Variants in CDH20 observed in about 807,000 individuals in gnomAD.
CDH20 encodes cadherin 20.
A neutral mutation model predicts 74.2 loss-of-function variants in CDH20; 29 were observed. That is an observed-to-expected ratio of 0.39 (90% CI 0.29 to 0.53). The LOEUF (loss-of-function observed/expected upper bound fraction) is 0.53. CDH20 is among the 20% of genes least tolerant of loss of function. The pLI is 0.69. For missense variants in CDH20, 988 were observed against 1,048.3 expected, an observed-to-expected ratio of 0.94 and a Z score of 0.79; for synonymous variants, 469 against 405.4, an observed-to-expected ratio of 1.16 and a Z score of -1.88.
intron 1 of CDH20, among the ~76,000 whole-genome samples, chr18:61,426,621 A>G (rs1473970290): frequency 6.6e-6 from 1 of 152,180 alleles, no homozygotes; most frequent in African/African-American, 2.4e-5. Flanking sequence ...ATATCTGCCC[A>G]TTGACTCCCA....
chr18:61,401,621 T>A (rs12963552), intron 1 of CDH20, among the ~76,000 whole-genome samples: 1 of 152,114 alleles, frequency 6.6e-6, no homozygotes, highest in Non-Finnish European at 1.5e-5. Flanking sequence ...ATAAGTAATG[T>A]TGATTTTCCA....
intron 1 of CDH20, among the ~76,000 whole-genome samples, chr18:61,394,062 G>C (rs1016770941): frequency 3.3e-5 from 5 of 152,136 alleles, no homozygotes; most frequent in African/African-American, 1.2e-4. Context: ...AGGCATCTGA[G>C]TTTGTCATAC....
At chr18:61,355,728 T>C (rs1369639756) in intron 1 of CDH20, among the ~76,000 whole-genome samples, 1 of 152,166 alleles carries the variant, frequency 6.6e-6, no homozygotes, top group East Asian at 1.9e-4. Flanking sequence ...AGTAGCACTG[T>C]CAAGCCCTCA....
intron 6 of CDH20, among the ~76,000 whole-genome samples, chr18:61,513,752 C>T (rs1217887691): frequency 1.3e-5 from 2 of 152,066 alleles, no homozygotes; most frequent in Non-Finnish European, 2.9e-5. Context: ...TTCTCCTTCA[C>T]TTATGAAGCT....
chr18:61,471,735 G>T (rs1274432151), intron 1 of CDH20, among the ~76,000 whole-genome samples: 1 of 152,100 alleles, frequency 6.6e-6, no homozygotes, highest in Admixed American at 6.6e-5. Context: ...CCGTTTGTCG[G>T]AGCATTTATA....
intron 1 of CDH20, among the ~76,000 whole-genome samples, chr18:61,445,560 A>T (rs2144326759): frequency 6.6e-6 from 1 of 152,344 alleles, no homozygotes; most frequent in African/African-American, 2.4e-5. Context: ...TGAAGCTCAG[A>T]AATGTTAAGT....
chr18:61,478,899 C>T (rs1025559672), intron 1 of CDH20, among the ~76,000 whole-genome samples: 8 of 151,964 alleles, frequency 5.3e-5, no homozygotes, highest in African/African-American at 1.9e-4. Flanking sequence ...AGTATTTCCA[C>T]TTCCTTGATC....
At chr18:61,525,135 C>T (rs1009118684) in intron 6 of CDH20, among the ~76,000 whole-genome samples, 3 of 151,904 alleles carry the variant, frequency 2.0e-5, no homozygotes, top group Admixed American at 6.6e-5. Context: ...GAGAGGGTCA[C>T]GGGGGTTTTG....
chr18:61,488,269 C>T (rs757873139), intron 1 of CDH20, among the ~76,000 whole-genome samples: 27 of 152,204 alleles, frequency 1.8e-4, no homozygotes, highest in Non-Finnish European at 2.5e-4. Flanking sequence ...TGCTACCAGA[C>T]GGGACTTATC....
At chr18:61,445,371 G>C (rs1360255032) in intron 1 of CDH20, among the ~76,000 whole-genome samples, 1 of 152,008 alleles carries the variant, frequency 6.6e-6, no homozygotes, top group Non-Finnish European at 1.5e-5. Context: ...GTTAGCAATG[G>C]AACCAGAAAG....
At chr18:61,497,214 C>T (rs1398492177) in intron 2 of CDH20, among the ~76,000 whole-genome samples, 1 of 151,396 alleles carries the variant, frequency 6.6e-6, no homozygotes, top group Non-Finnish European at 1.5e-5. Flanking sequence ...ACTATTTTTT[C>T]GGTCAATTTT....
chr18:61,334,506 G>A (rs987510941), intron 1 of CDH20: 2 of 152,354 alleles, frequency 1.3e-5, no homozygotes, highest in African/African-American at 4.8e-5. Flanking sequence ...TCGCTGTTTG[G>A]TTTTTGCTTG....
At chr18:61,530,561 TTTA>T in intron 7 of CDH20, among the ~76,000 whole-genome samples, 1 of 152,310 alleles carries the variant, frequency 6.6e-6, no homozygotes, top group South Asian at 2.1e-4. Context: ...TAAAAGGCCA[TTTA>T]ACAAATTATT....
intron 1 of CDH20, among the ~76,000 whole-genome samples, chr18:61,387,779 A>G (rs956297121): frequency 1.3e-5 from 2 of 152,224 alleles, no homozygotes; most frequent in Non-Finnish European, 2.9e-5. Context: ...TTTGAAATCA[A>G]CAATGTCTAC....
Position 61,357,874 on chromosome 18 carries a change from C to G in CDH20, c.-153+24047C>G, listed in dbSNP as rs139229037. ...TCTCGTGATCTCTTCACTCCCTTTT[C>G]AAGTGTAGCCTCTCTGGCCCTCAGA... On this transcript the variant is annotated intron_variant, in intron 1 of 11. Coordinates refer to ENST00000262717, the MANE Select transcript of CDH20 (RefSeq NM_031891.4). 5.0e-3 allele frequency among the ~76,000 whole-genome samples: 768 copies of G among 152,254 alleles called. 5 individuals are homozygous for G. Among genetic ancestry groups the G allele is most frequent in the African/African-American group, 0.017 (719 of 41,558 alleles).
At chr18:61,336,791 C>A (rs1003775490) in intron 1 of CDH20, among the ~76,000 whole-genome samples, 9 of 137,858 alleles carry the variant, frequency 6.5e-5, no homozygotes, top group African/African-American at 2.4e-4. Flanking sequence ...GCTGCAGTGG[C>A]GAGAACATAA....
chr18:61,342,813 A>T, intron 1 of CDH20, among the ~76,000 whole-genome samples: 1 of 152,232 alleles, frequency 6.6e-6, no homozygotes, highest in East Asian at 1.9e-4. Context: ...CCATGGTTAC[A>T]TCAGCCACAT....
chr18:61,349,840 T>C (rs1293587267), intron 1 of CDH20, among the ~76,000 whole-genome samples: 1 of 151,608 alleles, frequency 6.6e-6, no homozygotes, highest in African/African-American at 2.4e-5. Context: ...GGTTGTCACA[T>C]GTAATTCGGC....
chr18:61,521,589 C>T (rs1912208692), intron 6 of CDH20, among the ~76,000 whole-genome samples: 1 of 151,352 alleles, frequency 6.6e-6, no homozygotes, highest in Non-Finnish European at 1.5e-5. Flanking sequence ...CAGGATCATC[C>T]TGATACCAAA....
Sources: gnomAD v4.1 joint callset for allele counts (sites outside exome capture counted in the v4.1 genomes callset) on GRCh38, gnomAD v4.1.1 for gene constraint, MANE v1.5 for transcripts, NCBI Gene and HGNC (gene_info 2026-07-23, HGNC 2026-07-21) for gene names.